Variants in SPTBN1 observed in about 807,000 individuals in gnomAD.
SPTBN1 encodes the protein spectrin beta, non-erythrocytic 1, also known as spectrin beta chain, non-erythrocytic 1.
SPTBN1 carries 32 observed loss-of-function variants against 266.4 expected under a neutral mutation model. The observed-to-expected ratio is 0.12, with a 90% CI of 0.09 to 0.16. The LOEUF (loss-of-function observed/expected upper bound fraction) is 0.16. Among genes scored for constraint, SPTBN1 ranks in the 10% least tolerant of loss-of-function variants. The pLI is 1.00. For synonymous variants in SPTBN1, 1,336 were observed against 1,162.2 expected, an observed-to-expected ratio of 1.15 and a Z score of -3.04; for missense variants, 2,296 against 3,067.1, an observed-to-expected ratio of 0.75 and a Z score of 5.94.
intron 2 of SPTBN1, among the ~76,000 whole-genome samples, chr2:54,565,849 A>C (rs1207830597): frequency 1.3e-5 from 2 of 152,354 alleles, no homozygotes; most frequent in African/African-American, 2.4e-5. Context: ...ATTCCTTTTA[A>C]AGAAAACTTC....
chr2:54,644,243 G>A, intron 19 of SPTBN1, 80 bp from the exon 20 acceptor site: 1 of 1,524,868 alleles, frequency 6.6e-7, no homozygotes, highest in Non-Finnish European at 8.9e-7. Flanking sequence ...CAGATCAAAT[G>A]TCCTAGGTTT....
chr2:54,635,909 T>C (rs928393201), intron 17 of SPTBN1, among the ~76,000 whole-genome samples: 1 of 152,274 alleles, frequency 6.6e-6, no homozygotes, highest in African/African-American at 2.4e-5. Context: ...AGATGACTAA[T>C]TCTTTTTAGC....
intron 1 of SPTBN1, among the ~76,000 whole-genome samples, chr2:54,513,023 C>T (rs983525071): frequency 8.5e-5 from 13 of 152,114 alleles, no homozygotes; most frequent in African/African-American, 2.9e-4. Context: ...GAAACCCTGG[C>T]TCTACAGAAG....
intron 1 of SPTBN1, among the ~76,000 whole-genome samples, chr2:54,520,007 A>G (rs1670341814): frequency 6.6e-6 from 1 of 152,032 alleles, no homozygotes; most frequent in South Asian, 2.1e-4. Context: ...CGACAGGCGG[A>G]GTTAGTGATT....
chr2:54,647,758 G>A (rs542948691), intron 24 of SPTBN1, among the ~76,000 whole-genome samples: 3 of 152,286 alleles, frequency 2.0e-5, no homozygotes, highest in Admixed American at 6.5e-5. Context: ...TGGGAGGATG[G>A]TTTGAGTCCA....
chr2:54,668,706 G>C lies in SPTBN1; in HGVS notation c.*137G>C. 73 of 470,420 alleles carry C rather than the reference G, an allele frequency of 1.6e-4. No individual in the cohort carries two copies. The highest frequency in any genetic ancestry group is 2.8e-4 in the East Asian group (4 of 14,320). 29.1% of individuals were successfully genotyped at this position (470,420 alleles called of 1,614,324 possible). On this transcript the variant is annotated 3_prime_UTR_variant, in exon 36 of 36. Transcript: ENST00000356805. ...TTTTTTTTTTTTTTTAATTTATAGA[G>C]CATTTCGGGGGGGGTGGGGGAAACA...
intron 1 of SPTBN1, among the ~76,000 whole-genome samples, chr2:54,507,997 A>C (rs755139802): frequency 1.3e-5 from 2 of 152,112 alleles, no homozygotes; most frequent in Non-Finnish European, 2.9e-5. Context: ...AGTAAGTATA[A>C]AAGTAAAGAA....
chr2:54,460,656 A>G (rs1693318894), intron 1 of SPTBN1, among the ~76,000 whole-genome samples: 1 of 152,126 alleles, frequency 6.6e-6, no homozygotes. Flanking sequence ...TTCTTTTTTG[A>G]ATCAACTAAT....
rs1369544774 is a variant in SPTBN1 at position 54,554,917 on chromosome 2, T to A, written c.148+28351T>A. On this transcript the variant is annotated intron_variant, in intron 2 of 35. Coordinates refer to ENST00000356805, the MANE Select transcript of SPTBN1 (RefSeq NM_003128.3). The surrounding 1 kb of genome is among the most constrained non-coding windows in gnomAD (Gnocchi z 4.5). ...TAGTCTCATCTTCATAGCTTCTTCT[T>A]CGTCCTCCTCCTCCTCCTTTCTCGT... 6.6e-6 allele frequency among the ~76,000 whole-genome samples: 1 copy of A among 152,228 alleles called. No homozygotes were observed. The highest frequency in any genetic ancestry group is 1.5e-5 in the Non-Finnish European group (1 of 68,044).
intron 32 of SPTBN1, chr2:54,662,485 AT>A: frequency 4.3e-6 from 1 of 234,358 alleles, no homozygotes; most frequent in Non-Finnish European, 7.0e-6. Context: ...AGTATGATAA[AT>A]TTTAGCCGTT....
At chr2:54,599,985 T>C (rs1676373587) in intron 3 of SPTBN1, among the ~76,000 whole-genome samples, 1 of 152,234 alleles carries the variant, frequency 6.6e-6, no homozygotes, top group Admixed American at 6.5e-5. Context: ...AGAGCACATG[T>C]AGTGCCATAG....
rs186585313 is a variant in SPTBN1, at chr2:54,536,011, C to G, written c.148+9445C>G. Among the ~76,000 whole-genome samples the G allele has an allele frequency of 2.8e-3, 428 of 152,256 alleles. 2 individuals are homozygous for G. Among genetic ancestry groups the G allele is most frequent in the Admixed American group, 7.0e-3 (107 of 15,296 alleles). On this transcript the variant is annotated intron_variant, in intron 2 of 35. Coordinates refer to ENST00000356805, the MANE Select transcript of SPTBN1 (RefSeq NM_003128.3). ...CTCCAGCCTGGCTGGGTGACAAGAG[C>G]AAGACTCTGTCTCAAAAATAGAGTA...
intron 2 of SPTBN1, among the ~76,000 whole-genome samples, chr2:54,568,709 T>C (rs909819879): frequency 5.3e-5 from 8 of 152,244 alleles, no homozygotes; most frequent in African/African-American, 1.9e-4. Context: ...TACCCATTGA[T>C]ATTAATGGAG....
intron 2 of SPTBN1, among the ~76,000 whole-genome samples, chr2:54,559,882 C>T (rs1449522993): frequency 6.6e-6 from 1 of 152,114 alleles, no homozygotes; most frequent in Admixed American, 6.5e-5. Context: ...GCCGCTCAGC[C>T]CTAGAATGTT....
Position 54,628,428 on chromosome 2 carries a change from T to C in SPTBN1, c.1798+178T>C, listed in dbSNP as rs1370886386. Among the ~76,000 whole-genome samples, 4 of 152,234 alleles carry C rather than the reference T, an allele frequency of 2.6e-5. No homozygotes were observed. Among genetic ancestry groups the C allele is most frequent in the Non-Finnish European group, 5.9e-5 (4 of 68,040 alleles). On this transcript the variant is annotated intron_variant, in intron 13 of 35. Transcript: ENST00000356805. The surrounding 1 kb of genome is among the most constrained non-coding windows in gnomAD (Gnocchi z 4.3). ...CTAACTCCATCTTGTTTTTCTGGAA[T>C]TGATACATCCTTTCCTTAAATACGC... is the stretch of plus-strand genomic sequence containing the variant.
rs78669063 is a variant in SPTBN1 at position 54,593,377 on chromosome 2, G to A, written c.149-5715G>A. On this transcript the variant is annotated intron_variant, in intron 2 of 35. Transcript: ENST00000356805. Reference sequence around the variant, plus strand: ...CATGTCACAGAGACAGCCTCACCACGTTCCTCCCACGGAGGGCTGCTGGTT... The same window carrying A: ...CATGTCACAGAGACAGCCTCACCACATTCCTCCCACGGAGGGCTGCTGGTT... Among the ~76,000 whole-genome samples the A allele has an allele frequency of 9.2e-5, 14 of 152,080 alleles. No homozygotes were observed. The South Asian group carries it at 2.1e-3, about 23-fold the overall frequency.
intron 1 of SPTBN1, among the ~76,000 whole-genome samples, chr2:54,514,052 T>C (rs1056608949): frequency 6.6e-6 from 1 of 152,208 alleles, no homozygotes; most frequent in African/African-American, 2.4e-5. Flanking sequence ...TAAAGAAGGA[T>C]AAATTTCTAT....
chr2:54,613,000 C>T (rs1035105002), intron 4 of SPTBN1, among the ~76,000 whole-genome samples: 11 of 152,140 alleles, frequency 7.2e-5, no homozygotes, highest in African/African-American at 1.9e-4. Context: ...ATGAAGAAAT[C>T]GGGGACCCAC....
intron 1 of SPTBN1, among the ~76,000 whole-genome samples, chr2:54,500,753 G>T (rs1404446131): frequency 6.6e-6 from 1 of 152,140 alleles, no homozygotes; most frequent in Non-Finnish European, 1.5e-5. Flanking sequence ...GCCCAAGGTG[G>T]TCTCAAACTC....
Sources: allele counts gnomAD v4.1 joint callset (sites outside exome capture counted in the v4.1 genomes callset), GRCh38; gene constraint gnomAD v4.1.1; non-coding constraint Gnocchi (gnomAD v3.1); transcripts MANE v1.5; gene names NCBI Gene and HGNC (gene_info 2026-07-23, HGNC 2026-07-21).